RICTOR: variants seen among roughly 807,000 people sequenced by gnomAD.
The protein encoded by RICTOR is RPTOR independent companion of MTOR complex 2.
RICTOR carries 49 observed loss-of-function variants against 214.9 expected under a neutral mutation model. That is an observed-to-expected ratio of 0.23 (90% confidence interval 0.18 to 0.29). RICTOR has a LOEUF of 0.29. RICTOR is among the 10% of genes least tolerant of loss of function. RICTOR has a pLI of 1.00. For synonymous variants in RICTOR, 717 were observed against 711.3 expected (o/e 1.01, Z -0.13); for missense variants, 1,625 against 2,047.0 (o/e 0.79, Z 3.98).
chr5:38,950,293 G>A lies in RICTOR; in HGVS notation c.3555C>T (p.Phe1185=), dbSNP rs969541448. The A allele has an allele frequency of 7.4e-6, 12 of 1,613,446 alleles. No homozygotes were observed. The highest frequency in any genetic ancestry group is 1.0e-5 in the Non-Finnish European group (12 of 1,179,572). The stretch of plus-strand genomic sequence containing the variant: ...GATTCTCTGTACCAAAATTCTTGGT[G>A]AATTTTAAGTCATTTTCTCCAATGC... ...TPSIGENDLK[F]TKNFGTENHR... is the part of the protein sequence containing the mutation. The change falls in exon 31 of 38, where the codon TTC becomes TTT. Residue 1185 remains phenylalanine, a synonymous_variant. Transcript: ENST00000357387.
At chr5:38,981,573 C>T in intron 8 of RICTOR, 1 of 241,074 alleles carries the variant, frequency 4.1e-6, no homozygotes, top group Non-Finnish European at 7.9e-6. Flanking sequence ...AAATGGTAAT[C>T]TTAAATAGGT....
chr5:39,073,310 G>T (rs78010549), intron 2 of RICTOR, among the ~76,000 whole-genome samples: 6,877 of 152,218 alleles, frequency 0.045, 284 homozygotes, highest in African/African-American at 0.1. Context: ...AATCTTCAAC[G>T]AGATAATGTC....
At chr5:38,960,667 TG>T in intron 19 of RICTOR, 134 bp from the exon 20 acceptor site, 1 of 876,552 alleles carries the variant, frequency 1.1e-6, no homozygotes, top group Non-Finnish European at 1.7e-6. Flanking sequence ...TGGCAAGAAA[TG>T]TATTAAAAGT....
rs1443707249 is a variant in RICTOR, at chr5:39,021,135, T to C, written c.99A>G (p.Glu33=). 6.5e-7 allele frequency: 1 copy of C among 1,527,204 alleles called. No homozygotes were observed. The highest frequency in any genetic ancestry group is 1.1e-5 in the South Asian group (1 of 89,352). 94.6% of individuals were successfully genotyped at this position (1,527,204 alleles called of 1,614,324 possible). A position where few individuals can be genotyped will look rare whatever the true frequency, so the allele number is the denominator to read the frequency against. Residue 33 remains glutamate (E), a splice_region_variant and synonymous_variant, in exon 3 of 38, where the codon GAA becomes GAG. Transcript: ENST00000357387. ...GAATCTCTCTTAAGTTATCAGAAGG[T>C]TCTAGAAGGAAAGACAAGACAATTT... ...EENVPLDLTR[E]PSDNLREILQ...
chr5:39,041,748 TAAC>T (rs958713085), intron 2 of RICTOR, among the ~76,000 whole-genome samples: 4 of 151,990 alleles, frequency 2.6e-5, no homozygotes, highest in African/African-American at 9.7e-5. Flanking sequence ...CAAAAGTAAA[TAAC>T]AACTAACCTT....
chr5:39,037,138 A>C (rs1053588148), intron 2 of RICTOR, among the ~76,000 whole-genome samples: 11 of 152,348 alleles, frequency 7.2e-5, no homozygotes, highest in African/African-American at 2.4e-4. Context: ...CAGTGCAATC[A>C]AACTAGAACT....
chr5:39,002,471 G>T (rs1397456383), intron 5 of RICTOR, 64 bp downstream of exon 5: 4 of 1,047,916 alleles, frequency 3.8e-6, no homozygotes, highest in Non-Finnish European at 5.8e-6. Flanking sequence ...TACACTTTAT[G>T]GCAGGCATGC....
At position 38,949,791 on chromosome 5, in the gene RICTOR, A is replaced by G; in HGVS notation, c.4057T>C (p.Ser1353Pro). The change falls in exon 31 of 38, where the codon TCT (serine) becomes CCT (proline). Residue 1353 changes from serine to proline, a missense_variant. By Grantham distance (74) the Ser-to-Pro change is moderately conservative (BLOSUM62 -1). Transcript: ENST00000357387. The part of the protein sequence containing the change: ...PSLSHSEALA[S>P]PAKDVLFTDT... ...GTAAATAGCACATCTTTTGCTGGAG[A>G]TGCCAAAGCTTCAGAGTGAGATAAG... 4 of 1,613,422 alleles carry G rather than the reference A, an allele frequency of 2.5e-6. No individual in the cohort carries two copies. Among genetic ancestry groups the G allele is most frequent in the Non-Finnish European group, 3.4e-6 (4 of 1,179,502 alleles).
intron 7 of RICTOR, among the ~76,000 whole-genome samples, chr5:38,990,657 T>TCATATATATG (rs1752595580): frequency 2.4e-5 from 2 of 83,404 alleles, no homozygotes; most frequent in African/African-American, 8.7e-5. Context: ...AGATATATGA[T>TCATATATATG]ATATATCAGA....
At position 38,958,657 on chromosome 5, in the gene RICTOR, G is replaced by T. The variant is rs762228808; in HGVS notation, c.2343+10C>A. On this transcript the variant is annotated intron_variant, in intron 23 of 37. Coordinates refer to ENST00000357387, the MANE Select transcript of RICTOR (RefSeq NM_152756.5). ...ATTTAAGTATTAAATTATAAAAAATGAACCTTTACCTTGTCTTCACATGCT... is the reference window on the plus strand; with the variant it reads ...ATTTAAGTATTAAATTATAAAAAATTAACCTTTACCTTGTCTTCACATGCT... 2 of 1,577,586 alleles carry T rather than the reference G, an allele frequency of 1.3e-6. No homozygotes were observed. The highest frequency in any genetic ancestry group is 2.4e-5 in the South Asian group (2 of 83,962).
At chr5:38,982,254 T>C (rs1751772863) in intron 7 of RICTOR, among the ~76,000 whole-genome samples, 1 of 152,202 alleles carries the variant, frequency 6.6e-6, no homozygotes, top group Non-Finnish European at 1.5e-5. Context: ...TGTCTTTTCA[T>C]ACCCTTTGTC....
At chr5:38,986,603 A>C (rs1170919492) in intron 7 of RICTOR, among the ~76,000 whole-genome samples, 1 of 152,226 alleles carries the variant, frequency 6.6e-6, no homozygotes, top group Non-Finnish European at 1.5e-5. Flanking sequence ...CATTTTTGGA[A>C]CAATAAAGAA....
chr5:39,062,040 A>G (rs987703081), intron 2 of RICTOR, among the ~76,000 whole-genome samples: 1 of 152,106 alleles, frequency 6.6e-6, no homozygotes, highest in Non-Finnish European at 1.5e-5. Context: ...TTATTCTTAT[A>G]TAACATATGA....
chr5:38,990,684 C>CTG lies in RICTOR; in HGVS notation c.583+264_583+265insCA, dbSNP rs1580018136. 1.4e-3 allele frequency among the ~76,000 whole-genome samples: 23 copies of CTG among 16,216 alleles called. 1 individual carries two copies. The East Asian group carries it at 0.016, about 12-fold the overall frequency. The allele number at this position is 16,216 out of a possible 152,430, so 10.6% of individuals were successfully genotyped here. On this transcript the variant is annotated intron_variant, in intron 7 of 37. Transcript: ENST00000357387. ...TATATCAGATATATATCAGATATATCATATATATGATATATATCAGATATG... is the reference window on the plus strand; with the variant it reads ...TATATCAGATATATATCAGATATATCTGATATATATGATATATATCAGATATG...
At chr5:38,943,586 G>A (rs560885675) in intron 36 of RICTOR, among the ~76,000 whole-genome samples, 1 of 152,280 alleles carries the variant, frequency 6.6e-6, no homozygotes, top group Admixed American at 6.5e-5. Flanking sequence ...GGCTGAGACA[G>A]GAGATCACCT....
rs1748912597 is a variant in RICTOR at position 38,952,891 on chromosome 5, A to G, written c.2897+94T>C. On this transcript the variant is annotated intron_variant, in intron 29 of 37. Coordinates refer to ENST00000357387, the MANE Select transcript of RICTOR (RefSeq NM_152756.5). Reference sequence around the variant, plus strand: ...TAGAACTTTCAGTGGATTAACAGTTATGCATTGCACTTAATCATAAAATAC... The same window carrying G: ...TAGAACTTTCAGTGGATTAACAGTTGTGCATTGCACTTAATCATAAAATAC... The G allele has an allele frequency of 2.8e-5, 19 of 690,688 alleles. No homozygotes were observed. In the East Asian group the frequency reaches 4.9e-4, roughly 18 times the overall value. The allele number at this position is 690,688 out of a possible 1,614,324, so 42.8% of individuals were successfully genotyped here.
At chr5:39,054,172 C>T (rs1312537996) in intron 2 of RICTOR, among the ~76,000 whole-genome samples, 1 of 151,906 alleles carries the variant, frequency 6.6e-6, no homozygotes, top group Non-Finnish European at 1.5e-5. Flanking sequence ...GCCGGGATCA[C>T]ATTCACTTAA....
chr5:39,064,315 C>A (rs1157814900), intron 2 of RICTOR, among the ~76,000 whole-genome samples: 1 of 152,114 alleles, frequency 6.6e-6, no homozygotes. Flanking sequence ...TACAGATTAA[C>A]AAATATTTTA....
At chr5:38,950,878 C>A (rs1413604625) in intron 30 of RICTOR, among the ~76,000 whole-genome samples, 158 bp from the exon 31 acceptor site, 2 of 151,864 alleles carry the variant, frequency 1.3e-5, no homozygotes, top group Non-Finnish European at 2.9e-5. Context: ...AAATATCTTT[C>A]TTGAAACCCA....
Sources: allele counts gnomAD v4.1 joint callset (sites outside exome capture counted in the v4.1 genomes callset), GRCh38; gene constraint gnomAD v4.1.1; transcripts MANE v1.5; gene names NCBI Gene and HGNC (gene_info 2026-07-23, HGNC 2026-07-21).